The following ASH1L variants were observed in gnomAD, a reference collection of about 807,000 sequenced individuals.
ASH1L encodes ASH1 like histone lysine methyltransferase, also known as histone-lysine N-methyltransferase ASH1L.
In ASH1L, 23 loss-of-function variants were observed where a neutral mutation model predicts 269.0. The observed-to-expected ratio is 0.09, with a 90% CI of 0.06 to 0.12. The LOEUF is 0.12. Among genes scored for constraint, ASH1L ranks in the 10% least tolerant of loss-of-function variants. The probability of loss-of-function intolerance (pLI) is 1.00; values close to 1 mark genes in which losing one functional copy is unlikely to be tolerated. For missense variants in ASH1L, 2,912 were observed against 3,567.8 expected (o/e 0.82, Z 4.68); for synonymous variants, 1,187 against 1,253.5 (o/e 0.95, Z 1.12).
At chr1:155,380,147 C>G (rs999976763) in intron 7 of ASH1L, 31 bp from the exon 8 acceptor site, 27 of 1,535,976 alleles carry the variant, frequency 1.8e-5, no homozygotes, top group Non-Finnish European at 2.3e-5. Context: ...AATTTCAATA[C>G]CTTTTCTAAT....
chr1:155,367,794 T>C (rs1655571071), intron 12 of ASH1L, among the ~76,000 whole-genome samples: 2 of 152,216 alleles, frequency 1.3e-5, no homozygotes, highest in Admixed American at 1.3e-4. Flanking sequence ...CAATCTTTTA[T>C]TCCTGGAATA....
intron 27 of ASH1L, 74 bp from the exon 28 acceptor site, chr1:155,337,825 G>C: frequency 1.4e-6 from 2 of 1,386,864 alleles, no homozygotes; most frequent in Non-Finnish European, 2.0e-6. Context: ...GCTCTAAGGA[G>C]AGCACACGAA....
intron 7 of ASH1L, among the ~76,000 whole-genome samples, chr1:155,394,894 G>A (rs7539746): frequency 0.96 from 146,088 of 152,262 alleles, 70,417 homozygotes; most frequent in East Asian, 1. Flanking sequence ...TTTTTCCTAG[G>A]TGACATACCT....
chr1:155,424,081 T>C (rs1413833913), intron 5 of ASH1L, among the ~76,000 whole-genome samples: 1 of 152,208 alleles, frequency 6.6e-6, no homozygotes, highest in Non-Finnish European at 1.5e-5. Flanking sequence ...ATGGTACATA[T>C]CAAGCAGTTC....
At chr1:155,466,961 A>T (rs991970325) in intron 3 of ASH1L, among the ~76,000 whole-genome samples, 1 of 150,898 alleles carries the variant, frequency 6.6e-6, no homozygotes, top group Admixed American at 6.6e-5. Context: ...ACTTTTTCCA[A>T]AAAAAAAAGG....
Position 155,482,089 on chromosome 1 carries a change from A to C in ASH1L, c.781T>G (p.Ser261Ala). The change falls in exon 3 of 28, where the codon TCT (serine) becomes GCT (alanine). Residue 261 changes from serine (S) to alanine (A), a missense_variant. Physicochemically the swap from Ser to Ala is moderately conservative, Grantham distance 99 (BLOSUM62 1). This residue lies in a region of ASH1L where 277 missense variants were observed against 367.7 expected (regional missense o/e 0.75). Coordinates refer to ENST00000392403, the MANE Select transcript of ASH1L (RefSeq NM_018489.3). ...KDLIRKAGVG[S>A]VAGIIHKDLI... ...TCCTTATGTATTATTCCAGCTACAG[A>C]GCCAACACCTGCTTTCCTGATCAAA... 1 of 1,614,086 alleles carries C rather than the reference A, an allele frequency of 6.2e-7. No individual in the cohort carries two copies. The highest frequency in any genetic ancestry group is 8.5e-7 in the Non-Finnish European group (1 of 1,180,000).
intron 27 of ASH1L, 121 bp from the exon 28 acceptor site, chr1:155,337,872 C>T: frequency 1.8e-6 from 2 of 1,100,070 alleles, no homozygotes; most frequent in South Asian, 2.8e-5. Flanking sequence ...AGCAATTTAG[C>T]CCATCCTCCA....
intron 12 of ASH1L, among the ~76,000 whole-genome samples, chr1:155,364,977 T>C (rs1308107233): frequency 9.2e-5 from 14 of 151,908 alleles, no homozygotes; most frequent in Non-Finnish European, 1.3e-4. Context: ...GCCATTCTTT[T>C]ATTCCTTTAC....
At chr1:155,360,864 T>C (rs1227235038) in intron 12 of ASH1L, among the ~76,000 whole-genome samples, 2 of 152,152 alleles carry the variant, frequency 1.3e-5, no homozygotes, top group Non-Finnish European at 2.9e-5. Context: ...TTTTCCTGCT[T>C]GGTATTCAAA....
chr1:155,361,258 C>A (rs938470398), intron 12 of ASH1L, among the ~76,000 whole-genome samples: 3 of 151,962 alleles, frequency 2.0e-5, no homozygotes, highest in Non-Finnish European at 2.9e-5. Context: ...GTGGCTCACA[C>A]CTGTAATATC....
intron 1 of ASH1L, among the ~76,000 whole-genome samples, chr1:155,547,834 A>G (rs920712533): frequency 6.6e-6 from 1 of 152,132 alleles, no homozygotes; most frequent in Non-Finnish European, 1.5e-5. Context: ...TTAGCCAAGC[A>G]TGGTGGCAGG....
intron 24 of ASH1L, 79 bp from the exon 25 acceptor site, chr1:155,342,181 A>G (rs941734680): frequency 5.1e-6 from 7 of 1,367,722 alleles, no homozygotes; most frequent in Non-Finnish European, 7.2e-6. Flanking sequence ...ATACACACCA[A>G]TGGGAGAGCA....
intron 1 of ASH1L, among the ~76,000 whole-genome samples, chr1:155,555,994 A>G (rs1231946384): frequency 1.3e-5 from 2 of 152,210 alleles, no homozygotes; most frequent in Non-Finnish European, 2.9e-5. Flanking sequence ...CAGTGTGTTA[A>G]CTGTGTTGAT....
At chr1:155,401,361 C>G (rs1247749144) in intron 6 of ASH1L, among the ~76,000 whole-genome samples, 1 of 150,952 alleles carries the variant, frequency 6.6e-6, no homozygotes, top group African/African-American at 2.4e-5. Context: ...ACCTGTAATC[C>G]CAGCTACTCA....
intron 10 of ASH1L, among the ~76,000 whole-genome samples, chr1:155,374,884 C>T (rs1230532131): frequency 6.6e-6 from 1 of 152,176 alleles, no homozygotes; most frequent in East Asian, 1.9e-4. Context: ...GGCGTGATCA[C>T]AGCTTACTGT....
At chr1:155,405,767 T>C (rs753738334) in intron 6 of ASH1L, among the ~76,000 whole-genome samples, 3 of 149,752 alleles carry the variant, frequency 2.0e-5, no homozygotes, top group Non-Finnish European at 4.4e-5. Flanking sequence ...GAGGTGGAGG[T>C]TGCAGTGAGC....
At chr1:155,433,698 T>C in intron 5 of ASH1L, 1 of 1,598,794 alleles carries the variant, frequency 6.3e-7, no homozygotes, top group Non-Finnish European at 8.5e-7. Context: ...ACCCTGGGGG[T>C]TCTATTTGGG....
At chr1:155,535,399 G>A (rs1003416313) in intron 1 of ASH1L, among the ~76,000 whole-genome samples, 3 of 151,960 alleles carry the variant, frequency 2.0e-5, no homozygotes, top group Non-Finnish European at 4.4e-5. Flanking sequence ...TCATCTACAA[G>A]GAATTTTTGT....
In ASH1L at chr1:155,357,498, C is replaced by T. The variant is rs1654522965; in HGVS notation, c.6960+87G>A. On this transcript the variant is annotated intron_variant, in intron 14 of 27. Coordinates refer to ENST00000392403, the MANE Select transcript of ASH1L (RefSeq NM_018489.3). ...AATATTAAAACCACTCTTAAGATGC[C>T]ACCCTCTGGTAATTCCCTTATTCCA... 6.9e-6 allele frequency: 11 copies of T among 1,595,544 alleles called. No homozygotes were observed. In the Admixed American group the frequency reaches 1.0e-4, roughly 15 times the overall value.
Sources: allele counts gnomAD v4.1 joint callset (sites outside exome capture counted in the v4.1 genomes callset), GRCh38; gene constraint gnomAD v4.1.1; regional missense constraint gnomAD v4.1.1; transcripts MANE v1.5; gene names NCBI Gene and HGNC (gene_info 2026-07-23, HGNC 2026-07-21).